GABRB3: variants seen among roughly 807,000 people sequenced by gnomAD.
The protein encoded by GABRB3 is gamma-aminobutyric acid type A receptor subunit beta3, also known as gamma-aminobutyric acid receptor subunit beta-3.
Under a neutral mutation model 52.1 loss-of-function variants are expected in GABRB3, and 14 were observed. The ratio of observed to expected loss-of-function variants is 0.27; its 90% CI spans 0.18 to 0.42. The LOEUF is 0.42. GABRB3 is among the 10% of genes least tolerant of loss of function. GABRB3 has a pLI of 1.00. For synonymous variants in GABRB3, 260 were observed against 232.3 expected (o/e 1.12, Z -1.08); for missense variants, 307 against 609.1 (o/e 0.50, Z 5.22).
Position 26,595,858 on chromosome 15 carries a change from C to T in GABRB3, c.462-12444G>A, listed in dbSNP as rs932990958. On this transcript the variant is annotated intron_variant, in intron 4 of 8. Coordinates refer to ENST00000311550, the MANE Select transcript of GABRB3 (RefSeq NM_000814.6). ...TCCCTGAGAGGTCAACTTCGATTGT[C>T]CTATGCATTCCCTCCCTATGCTATA... 3.9e-5 allele frequency among the ~76,000 whole-genome samples: 6 copies of T among 152,288 alleles called. No individual in the cohort carries two copies. In the East Asian group the frequency reaches 9.7e-4, roughly 25 times the overall value.
intron 3 of GABRB3, among the ~76,000 whole-genome samples, chr15:26,701,523 T>C (rs1284606913): frequency 3.3e-5 from 5 of 152,218 alleles, no homozygotes; most frequent in African/African-American, 9.6e-5. Context: ...GAGATGAATA[T>C]GACAAAAGAC....
rs1356141010 is a variant in GABRB3, at chr15:26,546,385, T to G, written c.*1408A>C. 6.6e-6 allele frequency: 1 copy of G among 152,578 alleles called. No individual in the cohort carries two copies. Among genetic ancestry groups the G allele is most frequent in the East Asian group, 1.9e-4 (1 of 5,188 alleles). The allele number at this position is 152,578 out of a possible 1,614,324, so 9.5% of individuals were successfully genotyped here. On this transcript the variant is annotated 3_prime_UTR_variant, in exon 9 of 9. Coordinates refer to ENST00000311550, the MANE Select transcript of GABRB3 (RefSeq NM_000814.6). ...TGAAACCGGTGCACCTTGTCTTGTT[T>G]CTACGAGCTTTAAAAAGTCCAAATA...
chr15:26,761,299 G>A (rs368855022), intron 3 of GABRB3, among the ~76,000 whole-genome samples: 7 of 152,044 alleles, frequency 4.6e-5, no homozygotes, highest in African/African-American at 1.4e-4. Flanking sequence ...GGAGACTGAG[G>A]CAGGAGAATC....
chr15:26,556,526 G>A (rs1374701344), intron 8 of GABRB3, among the ~76,000 whole-genome samples: 1 of 152,004 alleles, frequency 6.6e-6, no homozygotes, highest in African/African-American at 2.4e-5. Flanking sequence ...AATATCGCAA[G>A]GCTTGTAACC....
chr15:26,618,425 C>G lies in GABRB3; in HGVS notation c.461+2889G>C, dbSNP rs948411321. On this transcript the variant is annotated intron_variant, in intron 4 of 8. Coordinates refer to ENST00000311550, the MANE Select transcript of GABRB3 (RefSeq NM_000814.6). ...AAACAAGCAATGGGGAAAGGATTCC[C>G]TATTTCATAAATGGTGCTGGGAAAA... Among the ~76,000 whole-genome samples the G allele has an allele frequency of 6.6e-4, 101 of 152,192 alleles. No individual in the cohort carries two copies. The East Asian group carries it at 0.014, about 21-fold the overall frequency.
At chr15:26,650,970 A>G (rs1887179122) in intron 3 of GABRB3, among the ~76,000 whole-genome samples, 1 of 152,158 alleles carries the variant, frequency 6.6e-6, no homozygotes, top group Non-Finnish European at 1.5e-5. Flanking sequence ...ATCCGGCTTC[A>G]CCATCCTTCA....
intron 4 of GABRB3, chr15:26,612,279 TTGAAAA>T (rs1892098948): frequency 6.6e-6 from 1 of 151,992 alleles, no homozygotes; most frequent in African/African-American, 2.4e-5. Flanking sequence ...ATAAAAACAA[TTGAAAA>T]TGAAGATTAA....
At chr15:26,741,226 T>C (rs1384508023) in intron 3 of GABRB3, among the ~76,000 whole-genome samples, 1 of 152,188 alleles carries the variant, frequency 6.6e-6, no homozygotes, top group East Asian at 1.9e-4. Flanking sequence ...CTTATATGAA[T>C]TGAGTTCCCC....
At chr15:26,718,649 G>T (rs981772262) in intron 3 of GABRB3, among the ~76,000 whole-genome samples, 3 of 151,958 alleles carry the variant, frequency 2.0e-5, no homozygotes, top group Non-Finnish European at 4.4e-5. Context: ...TTCCCCAGCT[G>T]ATCCAGATAA....
rs564251336 is a variant in GABRB3 at position 26,760,652 on chromosome 15, A to G, written c.240+11750T>C. 2.6e-5 allele frequency among the ~76,000 whole-genome samples: 4 copies of G among 152,250 alleles called. No individual in the cohort carries two copies. In the South Asian group the frequency reaches 8.3e-4, roughly 32 times the overall value. Reference sequence around the variant, plus strand: ...GATTGAAAAGTGGTTCTCCAGGCATAAGGAGAAAAAGAAAGATAAATGGAT... The same window carrying G: ...GATTGAAAAGTGGTTCTCCAGGCATGAGGAGAAAAAGAAAGATAAATGGAT... On this transcript the variant is annotated intron_variant, in intron 3 of 8. Transcript: ENST00000311550.
At chr15:26,591,991 G>A (rs571644342) in intron 4 of GABRB3, among the ~76,000 whole-genome samples, 22 of 152,256 alleles carry the variant, frequency 1.4e-4, no homozygotes, top group African/African-American at 5.1e-4. Flanking sequence ...CCATCAGACA[G>A]CACAAAAATA....
At chr15:26,655,244 C>T (rs1410580482) in intron 3 of GABRB3, among the ~76,000 whole-genome samples, 1 of 152,174 alleles carries the variant, frequency 6.6e-6, no homozygotes, top group African/African-American at 2.4e-5. Context: ...CATCTTTCCA[C>T]ATTCAAAATC....
chr15:26,624,920 G>GCAGC (rs1245301836), intron 3 of GABRB3: 1 of 985,550 alleles, frequency 1.0e-6, no homozygotes, highest in East Asian at 1.1e-4. Flanking sequence ...GGAACAGCGG[G>GCAGC]CAGCCGCTTG....
At chr15:26,699,614 C>CA (rs1888862126) in intron 3 of GABRB3, among the ~76,000 whole-genome samples, 1 of 151,646 alleles carries the variant, frequency 6.6e-6, no homozygotes, top group East Asian at 1.9e-4. Flanking sequence ...ACACAAAAGA[C>CA]TAAGATTGAG....
At chr15:26,653,570 T>C (rs559105543) in intron 3 of GABRB3, among the ~76,000 whole-genome samples, 2 of 152,196 alleles carry the variant, frequency 1.3e-5, no homozygotes, top group African/African-American at 4.8e-5. Context: ...GGAGACTGAT[T>C]TGAGTAATGA....
At chr15:26,623,353 G>C (rs1700896200) in intron 3 of GABRB3, among the ~76,000 whole-genome samples, 1 of 152,206 alleles carries the variant, frequency 6.6e-6, no homozygotes, top group Non-Finnish European at 1.5e-5. Flanking sequence ...AGAGAGCCAT[G>C]ACCAGGAGTA....
intron 4 of GABRB3, among the ~76,000 whole-genome samples, chr15:26,620,719 C>T (rs997835736): frequency 5.3e-5 from 8 of 152,186 alleles, no homozygotes; most frequent in Admixed American, 2.0e-4. Context: ...AAAGGCCTGG[C>T]GGTTTCCAGG....
At chr15:26,687,774 C>A (rs1222795549) in intron 3 of GABRB3, among the ~76,000 whole-genome samples, 1 of 152,186 alleles carries the variant, frequency 6.6e-6, no homozygotes, top group Non-Finnish European at 1.5e-5. Flanking sequence ...GTTAATTACA[C>A]CTGCTGACTG....
intron 8 of GABRB3, among the ~76,000 whole-genome samples, chr15:26,551,483 G>A (rs1164323703): frequency 2.6e-5 from 4 of 152,200 alleles, no homozygotes; most frequent in Admixed American, 1.3e-4. Flanking sequence ...CAGCAGCAAC[G>A]CTGGGCCTTC....
Sources: gnomAD v4.1 joint callset for allele counts (sites outside exome capture counted in the v4.1 genomes callset) on GRCh38, gnomAD v4.1.1 for gene constraint, MANE v1.5 for transcripts, NCBI Gene and HGNC (gene_info 2026-07-23, HGNC 2026-07-21) for gene names.